FARP2: variants seen among roughly 807,000 people sequenced by gnomAD.
FARP2 encodes FERM, ARH/RhoGEF and pleckstrin domain protein 2.
In FARP2, 111 loss-of-function variants were observed where a neutral mutation model predicts 130.5. The ratio of observed to expected loss-of-function variants is 0.85; its 90% CI spans 0.73 to 1.00. The LOEUF is 1.00. FARP2 is among the 50% of genes least tolerant of loss of function. The pLI is 0.00. For missense variants in FARP2, 1,385 were observed against 1,346.3 expected (o/e 1.03, Z -0.45); for synonymous variants, 504 against 516.9 (o/e 0.98, Z 0.34).
chr2:241,381,566 G>A (rs1429941881), intron 2 of FARP2, among the ~76,000 whole-genome samples: 1 of 152,020 alleles, frequency 6.6e-6, no homozygotes, highest in South Asian at 2.1e-4. Context: ...TGCTTTTCAG[G>A]GTTCTGCTGG....
At position 241,413,336 on chromosome 2, in the gene FARP2, G is replaced by T; in HGVS notation, c.538G>T (p.Asp180Tyr). ...SEIGDYDETL[D>Y]REHLKVNEYL... is the part of the protein sequence containing the mutation. ...AATAGGAGATTACGATGAAACGCTG[G>T]ACCGAGAGCACCTCAAAGTGAACGA... The change falls in exon 7 of 27, where the codon GAC becomes TAC. Residue 180 changes from aspartate to tyrosine, a missense_variant. Asp to Tyr is a radical substitution (Grantham distance 160). Coordinates refer to ENST00000264042, the MANE Select transcript of FARP2 (RefSeq NM_014808.4). 6.2e-7 allele frequency: 1 copy of T among 1,611,278 alleles called. No individual in the cohort carries two copies. The highest frequency in any genetic ancestry group is 1.1e-5 in the South Asian group (1 of 89,922).
intron 13 of FARP2, chr2:241,446,912 C>T (rs529780020): frequency 2.0e-5 from 3 of 152,256 alleles, no homozygotes; most frequent in South Asian, 4.1e-4. Context: ...AAGGAAGCGC[C>T]ATCTTTAGCA....
At chr2:241,380,206 G>A (rs958272903) in intron 2 of FARP2, among the ~76,000 whole-genome samples, 4 of 152,184 alleles carry the variant, frequency 2.6e-5, no homozygotes, top group Admixed American at 6.5e-5. Flanking sequence ...TTTCAGGATC[G>A]CAGCAGAGGG....
intron 13 of FARP2, chr2:241,446,055 GT>G (rs2063507287): frequency 6.6e-6 from 1 of 152,188 alleles, no homozygotes; most frequent in Admixed American, 6.5e-5. Flanking sequence ...CTGTCAAACT[GT>G]TTTTGTATTT....
At chr2:241,380,357 T>C (rs2061632942) in intron 2 of FARP2, among the ~76,000 whole-genome samples, 1 of 152,074 alleles carries the variant, frequency 6.6e-6, no homozygotes, top group South Asian at 2.1e-4. Context: ...GAGCGCCAAC[T>C]CAGAAACCCC....
At chr2:241,493,674 A>G (rs977527855) in intron 26 of FARP2, 1 of 561,824 alleles carries the variant, frequency 1.8e-6, no homozygotes, top group African/African-American at 1.9e-5. Context: ...GGCTCACTAT[A>G]ACCTGCACCT....
intron 2 of FARP2, among the ~76,000 whole-genome samples, chr2:241,381,069 A>G (rs928636336): frequency 1.3e-5 from 2 of 151,916 alleles, no homozygotes; most frequent in Non-Finnish European, 1.5e-5. Context: ...CTCTTTCCCA[A>G]CATGGGCCCA....
chr2:241,486,801 T>C (rs1478637644), intron 21 of FARP2, among the ~76,000 whole-genome samples: 2 of 152,268 alleles, frequency 1.3e-5, no homozygotes, highest in Admixed American at 1.3e-4. Flanking sequence ...GCACTCCTGC[T>C]AAATTGCTGT....
chr2:241,387,742 G>A (rs1255160159), intron 2 of FARP2, among the ~76,000 whole-genome samples: 5 of 147,706 alleles, frequency 3.4e-5, no homozygotes, highest in African/African-American at 1.3e-4. Flanking sequence ...GCAGTGAGCC[G>A]AGCTCGCACC....
At chr2:241,406,870 C>G (rs1375071527) in intron 4 of FARP2, among the ~76,000 whole-genome samples, 1 of 152,112 alleles carries the variant, frequency 6.6e-6, no homozygotes, top group Non-Finnish European at 1.5e-5. Context: ...TGCAGTGGCA[C>G]GATCGCGGCT....
chr2:241,482,012 C>A lies in FARP2; in HGVS notation c.2263-1453C>A, dbSNP rs2064628048. ...ATCTCTAAAGTCATGTCTGGATAGC[C>A]CAGAATTTCTTGTCTTCCTGAGTTA... On this transcript the variant is annotated intron_variant, in intron 19 of 26. Transcript: ENST00000264042. This position sits in a 1 kb window ranked among gnomAD's most constrained non-coding sequence, Gnocchi z 4.6. Among the ~76,000 whole-genome samples the A allele has an allele frequency of 6.6e-6, 1 of 152,150 alleles. No homozygotes were observed. The highest frequency in any genetic ancestry group is 2.1e-4 in the South Asian group (1 of 4,826).
chr2:241,411,102 G>A lies in FARP2; in HGVS notation c.480G>A (p.Ala160=), dbSNP rs539468324. The A allele has an allele frequency of 2.6e-5, 42 of 1,611,720 alleles. No individual in the cohort carries two copies. Among genetic ancestry groups the A allele is most frequent in the African/African-American group, 4.0e-5 (3 of 74,970 alleles). Reference sequence around the variant, plus strand: ...GTTTGACCTGTGCTGACACCACAGCGGCCCTTCTCACGTCCCATCTCCTGC... The same window carrying A: ...GTTTGACCTGTGCTGACACCACAGCAGCCCTTCTCACGTCCCATCTCCTGC... ...EERLTCADTT[A]ALLTSHLLQS... The change falls in exon 6 of 27, where the codon GCG becomes GCA. Residue 160 remains alanine, a synonymous_variant. Coordinates refer to ENST00000264042, the MANE Select transcript of FARP2 (RefSeq NM_014808.4).
At chr2:241,359,931 C>G (rs978593625) in intron 1 of FARP2, among the ~76,000 whole-genome samples, 2 of 152,186 alleles carry the variant, frequency 1.3e-5, no homozygotes, top group African/African-American at 2.4e-5. Context: ...GGTGGTCATA[C>G]AGGACACGGT....
intron 19 of FARP2, 40 bp downstream of exon 19, chr2:241,476,027 T>C (rs756038294): frequency 6.3e-7 from 1 of 1,580,606 alleles, no homozygotes; most frequent in Non-Finnish European, 8.6e-7. Flanking sequence ...TGAGCTACTT[T>C]GGTTTTTCAA....
rs2064232852 is a variant in FARP2 at position 241,468,511 on chromosome 2, G to A, written c.2131+134G>A. 4.5e-6 allele frequency: 3 copies of A among 674,000 alleles called. No individual in the cohort carries two copies. The Admixed American group carries it at 6.8e-5, about 15-fold the overall frequency. The allele number at this position is 674,000 out of a possible 1,614,324, so 41.8% of individuals were successfully genotyped here. ...ACCCCATTAGGGCCTGGACCACAGT[G>A]GTCAGCATTGGCCCTGGCCTTCCTT... On this transcript the variant is annotated intron_variant, in intron 18 of 26. Transcript: ENST00000264042.
rs765844476 is a variant in FARP2 at position 241,492,990 on chromosome 2, G to C, written c.2849G>C (p.Trp950Ser). Residue 950 changes from tryptophan to serine, a missense_variant, in exon 25 of 27, where the codon TGG becomes TCG. Coordinates refer to ENST00000264042, the MANE Select transcript of FARP2 (RefSeq NM_014808.4). ...AACAGTCATGGCTGGCAGAAGCTCT[G>C]GGTCGTCTTTACCAACTTCTGTTTG... ...FKNSHGWQKLWVVFTNFCLFF... is the reference protein window; with the variant it reads ...FKNSHGWQKLSVVFTNFCLFF... 1 of 1,612,576 alleles carries C rather than the reference G, an allele frequency of 6.2e-7. No individual in the cohort carries two copies. The highest frequency in any genetic ancestry group is 8.5e-7 in the Non-Finnish European group (1 of 1,178,646).
At chr2:241,453,493 G>C (rs1574855459) in intron 13 of FARP2, among the ~76,000 whole-genome samples, 1 of 151,598 alleles carries the variant, frequency 6.6e-6, no homozygotes, top group African/African-American at 2.4e-5. Flanking sequence ...ATGGTGGTGG[G>C]AGCCTGTAGT....
rs1039804494 is a variant in FARP2, at chr2:241,441,504, C to T, written c.1359C>T (p.Pro453=). 61 of 1,613,788 alleles carry T rather than the reference C, an allele frequency of 3.8e-5. No homozygotes were observed. Among genetic ancestry groups the T allele is most frequent in the Middle Eastern group, 1.6e-4 (1 of 6,084 alleles). Residue 453 remains proline, a synonymous_variant, in exon 13 of 27, where the codon CCC becomes CCT. Transcript: ENST00000264042. ...ERRSGAVAGG[P]DTPSAQPLGP... Reference sequence around the variant, plus strand: ...GCAGTGGAGCAGTGGCTGGAGGCCCCGACACACCATCGGCCCAGCCCCTCG... The same window carrying T: ...GCAGTGGAGCAGTGGCTGGAGGCCCTGACACACCATCGGCCCAGCCCCTCG...
At chr2:241,461,327 C>A (rs1227487923) in intron 14 of FARP2, among the ~76,000 whole-genome samples, 1 of 148,000 alleles carries the variant, frequency 6.8e-6, no homozygotes, top group Non-Finnish European at 1.5e-5. Flanking sequence ...TGAGGTCCAC[C>A]GGCAGCCTCT....
Sources: gnomAD v4.1 joint callset for allele counts (sites outside exome capture counted in the v4.1 genomes callset) on GRCh38, gnomAD v4.1.1 for gene constraint, Gnocchi (gnomAD v3.1) non-coding constraint, MANE v1.5 for transcripts, NCBI Gene and HGNC (gene_info 2026-07-23, HGNC 2026-07-21) for gene names.